Variants in C18orf63 observed in about 807,000 individuals in gnomAD.
C18orf63 encodes the protein uncharacterized protein C18orf63.
A neutral mutation model predicts 75.3 loss-of-function variants in C18orf63; 50 were observed. The ratio of observed to expected loss-of-function variants is 0.66; its 90% CI spans 0.53 to 0.84. The LOEUF (loss-of-function observed/expected upper bound fraction) is 0.84. Ranked by LOEUF, C18orf63 falls within the 40% of genes least tolerant of loss-of-function variation. C18orf63 has a pLI of 0.00. For missense variants in C18orf63, 732 were observed against 800.2 expected (o/e 0.91, Z 1.03); for synonymous variants, 232 against 267.6 (o/e 0.87, Z 1.30).
chr18:74,335,409 T>TA lies in C18orf63; in HGVS notation c.502-3299dup, dbSNP rs537345605. 1.8e-4 allele frequency among the ~76,000 whole-genome samples: 28 copies of TA among 152,202 alleles called. No homozygotes were observed. The South Asian group carries it at 4.1e-3, about 23-fold the overall frequency. ...CTTATCTTTACAATTTAAATAGAGA[T>TA]AAAAAAATTTAAGAGGTAATTGAAA... is the stretch of plus-strand genomic sequence containing the variant. On this transcript the variant is annotated intron_variant, in intron 7 of 13. Transcript: ENST00000579455.
intron 7 of C18orf63, among the ~76,000 whole-genome samples, chr18:74,336,507 C>A (rs918486089): frequency 1.3e-5 from 2 of 152,004 alleles, no homozygotes; most frequent in Non-Finnish European, 2.9e-5. Flanking sequence ...TTTCTAGAAT[C>A]TCCTGGAATT....
intron 4 of C18orf63, among the ~76,000 whole-genome samples, chr18:74,323,373 T>G (rs533541979): frequency 6.6e-6 from 1 of 152,336 alleles, no homozygotes; most frequent in Non-Finnish European, 1.5e-5. Flanking sequence ...ATGTTGCCTT[T>G]AGGTCCTAGG....
chr18:74,348,638 T>C (rs1214182023), intron 11 of C18orf63, among the ~76,000 whole-genome samples: 1 of 148,662 alleles, frequency 6.7e-6, no homozygotes, highest in African/African-American at 2.4e-5. Flanking sequence ...CCAAGTTGCA[T>C]TTGCCAATGA....
At chr18:74,328,278 A>T (rs1324086537) in intron 5 of C18orf63, among the ~76,000 whole-genome samples, 1 of 152,208 alleles carries the variant, frequency 6.6e-6, no homozygotes. Flanking sequence ...GGCAGCAGGC[A>T]AGAGAGCATG....
At chr18:74,317,344 G>A (rs1166258837) in intron 1 of C18orf63, among the ~76,000 whole-genome samples, 1 of 152,146 alleles carries the variant, frequency 6.6e-6, no homozygotes, top group Non-Finnish European at 1.5e-5. Context: ...TAATTTAGTG[G>A]AAACAAAAAC....
chr18:74,318,027 C>T (rs1335919250), intron 2 of C18orf63, 28 bp downstream of exon 2: 2 of 1,397,882 alleles, frequency 1.4e-6, no homozygotes, highest in South Asian at 1.7e-5. Flanking sequence ...ATAACTAAGA[C>T]TTTTAAAACT....
At position 74,338,737 on chromosome 18, in the gene C18orf63, A is replaced by C. The variant is rs1388533629; in HGVS notation, c.524A>C (p.Gln175Pro). The change falls in exon 8 of 14, where the codon CAG becomes CCG. Residue 175 changes from glutamine to proline, a missense_variant. Physicochemically the swap from Gln to Pro is moderately conservative, Grantham distance 76 (BLOSUM62 -1). Transcript: ENST00000579455. Reference sequence around the variant, plus strand: ...AAGCTAAAAGAGTTTGAGATTTCCCAGAGTATTATAAAGGATTTTCATGCT... The same window carrying C: ...AAGCTAAAAGAGTTTGAGATTTCCCCGAGTATTATAAAGGATTTTCATGCT... ...APELKEFEIS[Q>P]SIIKDFHANK... 5.1e-6 allele frequency: 7 copies of C among 1,376,790 alleles called. No homozygotes were observed. The highest frequency in any genetic ancestry group is 1.8e-4 in the Middle Eastern group (1 of 5,408). The allele number at this position is 1,376,790 out of a possible 1,614,324, so 85.3% of individuals were successfully genotyped here.
At position 74,353,932 on chromosome 18, in the gene C18orf63, AG is replaced by A. The variant is rs1450952578; in HGVS notation, c.1669del (p.Val557TrpfsTer2). 3.3e-6 allele frequency: 5 copies of A among 1,535,994 alleles called. No homozygotes were observed. Among genetic ancestry groups the A allele is most frequent in the Non-Finnish European group, 4.4e-6 (5 of 1,146,816 alleles). ...TATTTGTGGTGTCAAATAACAATTT[AG>A]GGGTGGTAAAAAGTGCTGTTGACTT... ...AVFVVSNNNLGVVKSAVDFQM... is the reference protein window; with the variant it reads ...AVFVVSNNNLXVVKSAVDFQM... On this transcript the variant is annotated frameshift_variant, in exon 12 of 14. Coordinates refer to ENST00000579455, the MANE Select transcript of C18orf63 (RefSeq NM_001174123.2). LOFTEE classifies it high-confidence loss of function.
intron 10 of C18orf63, 57 bp downstream of exon 10, chr18:74,342,383 T>G: frequency 9.9e-7 from 1 of 1,011,376 alleles, no homozygotes; most frequent in South Asian, 1.4e-5. Flanking sequence ...TAATCTAGTT[T>G]TGCTCCCACT....
intron 11 of C18orf63, among the ~76,000 whole-genome samples, chr18:74,345,898 T>A (rs1198998326): frequency 1.3e-5 from 2 of 152,020 alleles, no homozygotes; most frequent in African/African-American, 2.4e-5. Context: ...TATCTATTGA[T>A]CTGTGCATTT....
chr18:74,316,588 G>C (rs1427990819), intron 1 of C18orf63, among the ~76,000 whole-genome samples: 1 of 151,754 alleles, frequency 6.6e-6, no homozygotes, highest in Non-Finnish European at 1.5e-5. Flanking sequence ...GTGTAGAATT[G>C]CGTAGGTGCC....
In C18orf63 at chr18:74,316,002, C is replaced by T. The variant is rs1032065652; in HGVS notation, c.-140C>T. 6.6e-6 allele frequency: 1 copy of T among 152,480 alleles called. No individual in the cohort carries two copies. The highest frequency in any genetic ancestry group is 1.5e-5 in the Non-Finnish European group (1 of 68,288). 9.4% of individuals were successfully genotyped at this position (152,480 alleles called of 1,614,324 possible). A position where few individuals can be genotyped will look rare whatever the true frequency, so the allele number is the denominator to read the frequency against. ...GGAGGCAGAGCGGAAGCGAGGGAGACTGCTGGAGGCCCTGCCGCCCACCCG... is the reference window on the plus strand; with the variant it reads ...GGAGGCAGAGCGGAAGCGAGGGAGATTGCTGGAGGCCCTGCCGCCCACCCG... On this transcript the variant is annotated 5_prime_UTR_variant, in exon 1 of 14. Coordinates refer to ENST00000579455, the MANE Select transcript of C18orf63 (RefSeq NM_001174123.2).
chr18:74,345,130 C>G (rs542188032), intron 11 of C18orf63, among the ~76,000 whole-genome samples: 1 of 151,950 alleles, frequency 6.6e-6, no homozygotes, highest in South Asian at 2.1e-4. Context: ...TGCATTTTCC[C>G]GATTATTAAT....
intron 1 of C18orf63, among the ~76,000 whole-genome samples, chr18:74,316,794 T>C (rs1305729575): frequency 6.6e-6 from 1 of 152,210 alleles, no homozygotes; most frequent in Non-Finnish European, 1.5e-5. Flanking sequence ...ACAACATTCT[T>C]TTTGAATCTG....
intron 7 of C18orf63, among the ~76,000 whole-genome samples, chr18:74,335,445 C>T (rs1984375872): frequency 6.6e-6 from 1 of 152,024 alleles, no homozygotes; most frequent in Non-Finnish European, 1.5e-5. Flanking sequence ...CAGTAATTTA[C>T]TCATTTCTCA....
chr18:74,316,432 C>G (rs917340626), intron 1 of C18orf63, among the ~76,000 whole-genome samples: 1 of 152,202 alleles, frequency 6.6e-6, no homozygotes, highest in South Asian at 2.1e-4. Context: ...CAAGCCGGGT[C>G]TGGGGCCGCC....
In C18orf63 at chr18:74,317,816, TGC is replaced by T. The variant is rs1197607906; in HGVS notation, c.-32-17_-32-16del. On this transcript the variant is annotated splice_polypyrimidine_tract_variant and intron_variant, in intron 1 of 13. Transcript: ENST00000579455. The stretch of plus-strand genomic sequence containing the variant: ...GGTAAGATAATTTACTACCTTTTTT[TGC>T]TGTTTATTTTTAAAGGCCTGATTGC... 1 of 1,441,898 alleles carries T rather than the reference TGC, an allele frequency of 6.9e-7. No individual in the cohort carries two copies. Among genetic ancestry groups the T allele is most frequent in the Non-Finnish European group, 9.2e-7 (1 of 1,088,236 alleles). The allele number at this position is 1,441,898 out of a possible 1,614,324, so 89.3% of individuals were successfully genotyped here.
At chr18:74,349,196 T>C (rs80340200) in intron 11 of C18orf63, among the ~76,000 whole-genome samples, 1 of 152,340 alleles carries the variant, frequency 6.6e-6, no homozygotes, top group Non-Finnish European at 1.5e-5. Flanking sequence ...TTAACTTTTT[T>C]TCATGAAACG....
chr18:74,338,218 G>C (rs1190710189), intron 7 of C18orf63, among the ~76,000 whole-genome samples: 1 of 152,048 alleles, frequency 6.6e-6, no homozygotes, highest in Non-Finnish European at 1.5e-5. Context: ...GGACACTTGA[G>C]GAACAGGGAA....
Sources: gnomAD v4.1 joint callset for allele counts (sites outside exome capture counted in the v4.1 genomes callset) on GRCh38, gnomAD v4.1.1 for gene constraint, MANE v1.5 for transcripts, NCBI Gene and HGNC (gene_info 2026-07-23, HGNC 2026-07-21) for gene names.